Variants in LRMDA observed in about 807,000 individuals in gnomAD.
LRMDA encodes the protein leucine-rich melanocyte differentiation-associated protein.
LRMDA carries 18 observed loss-of-function variants against 29.8 expected under a neutral mutation model. The observed-to-expected ratio is 0.60, with a 90% CI of 0.42 to 0.90. LRMDA has a LOEUF of 0.90. Among genes scored for constraint, LRMDA ranks in the 40% least tolerant of loss-of-function variants. The pLI is 0.00. For missense variants in LRMDA, 273 were observed against 273.9 expected, an observed-to-expected ratio of 1.00 and a Z score of 0.02; for synonymous variants, 125 against 109.4, an observed-to-expected ratio of 1.14 and a Z score of -0.89.
chr10:75,431,815 G>T, intron 1 of LRMDA, 61 bp downstream of exon 1: 1 of 1,282,760 alleles, frequency 7.8e-7, no homozygotes, highest in Non-Finnish European at 9.9e-7. Context: ...GGGACAGCGG[G>T]GCACAGAGGC....
intron 2 of LRMDA, among the ~76,000 whole-genome samples, chr10:75,637,463 G>A (rs1040841504): frequency 6.6e-5 from 10 of 152,128 alleles, no homozygotes; most frequent in Admixed American, 3.9e-4. Flanking sequence ...TAGAGAGAAG[G>A]GGTATGGAGT....
intron 2 of LRMDA, among the ~76,000 whole-genome samples, chr10:75,571,089 C>T (rs918171725): frequency 7.2e-5 from 11 of 152,008 alleles, no homozygotes; most frequent in Non-Finnish European, 1.5e-4. Context: ...TAATTTGACC[C>T]CATGGTTTGG....
intron 5 of LRMDA, among the ~76,000 whole-genome samples, chr10:76,214,129 A>G (rs1388522397): frequency 1.3e-5 from 2 of 152,104 alleles, no homozygotes; most frequent in African/African-American, 2.4e-5. Flanking sequence ...CAGCTTGGCT[A>G]TAAAATACAG....
intron 2 of LRMDA, among the ~76,000 whole-genome samples, chr10:75,816,949 T>C (rs886757756): frequency 2.0e-5 from 3 of 152,258 alleles, no homozygotes; most frequent in Non-Finnish European, 4.4e-5. Flanking sequence ...CCTGAGCTTA[T>C]GGATCTTCAG....
intron 5 of LRMDA, among the ~76,000 whole-genome samples, chr10:76,203,891 G>C (rs112967354): frequency 0.07 from 8,751 of 124,482 alleles, 526 homozygotes; most frequent in African/African-American, 0.19. Flanking sequence ...ATCTCATGTG[G>C]CCATCTACCC....
chr10:76,200,875 G>T (rs111923758), intron 5 of LRMDA, among the ~76,000 whole-genome samples: 3,884 of 150,540 alleles, frequency 0.026, 72 homozygotes, highest in East Asian at 0.073. Context: ...CTGCCACCAC[G>T]CCCAGCTAAT....
intron 2 of LRMDA, among the ~76,000 whole-genome samples, chr10:76,014,503 C>T (rs962245170): frequency 3.3e-5 from 5 of 152,098 alleles, no homozygotes; most frequent in Non-Finnish European, 5.9e-5. Context: ...ATCATATGCC[C>T]ATATACACAC....
At chr10:76,281,458 C>T (rs935808390) in intron 5 of LRMDA, among the ~76,000 whole-genome samples, 1 of 152,074 alleles carries the variant, frequency 6.6e-6, no homozygotes, top group Non-Finnish European at 1.5e-5. Flanking sequence ...ATTGAAAACC[C>T]TAATTCTATA....
At chr10:76,049,645 C>T (rs917944205) in intron 4 of LRMDA, among the ~76,000 whole-genome samples, 3 of 152,160 alleles carry the variant, frequency 2.0e-5, no homozygotes, top group African/African-American at 7.2e-5. Flanking sequence ...TGTCCTTCCT[C>T]GAGTTTGTGC....
intron 2 of LRMDA, among the ~76,000 whole-genome samples, chr10:75,631,758 T>C (rs1373751768): frequency 1.3e-5 from 2 of 152,176 alleles, no homozygotes; most frequent in African/African-American, 4.8e-5. Flanking sequence ...TGACATTGTT[T>C]CCATAGATTT....
At chr10:75,466,607 A>T (rs1844653414) in intron 2 of LRMDA, among the ~76,000 whole-genome samples, 1 of 152,158 alleles carries the variant, frequency 6.6e-6, no homozygotes, top group Admixed American at 6.5e-5. Context: ...AGAGATTGAT[A>T]AAAAGTCTGG....
At chr10:76,038,139 G>C (rs1201191656) in intron 3 of LRMDA, among the ~76,000 whole-genome samples, 1 of 152,128 alleles carries the variant, frequency 6.6e-6, no homozygotes, top group African/African-American at 2.4e-5. Flanking sequence ...AGAATATTAG[G>C]GTCCATGGAC....
intron 6 of LRMDA, among the ~76,000 whole-genome samples, chr10:76,526,882 A>C (rs149832516): frequency 0.011 from 1,665 of 150,002 alleles, 10 homozygotes; most frequent in Non-Finnish European, 0.018. Flanking sequence ...CTAATGCTAG[A>C]TGACGAGTTA....
At chr10:76,043,389 T>G (rs1848372459) in intron 3 of LRMDA, among the ~76,000 whole-genome samples, 1 of 152,116 alleles carries the variant, frequency 6.6e-6, no homozygotes, top group Non-Finnish European at 1.5e-5. Context: ...ATTCCCCCAC[T>G]GAATCATAAT....
chr10:75,988,327 G>A (rs1453611899), intron 2 of LRMDA, among the ~76,000 whole-genome samples: 1 of 151,930 alleles, frequency 6.6e-6, no homozygotes, highest in Non-Finnish European at 1.5e-5. Flanking sequence ...CCTCCCTCCA[G>A]CCTCCACCAC....
intron 2 of LRMDA, among the ~76,000 whole-genome samples, chr10:75,573,727 T>C (rs1374316037): frequency 6.6e-6 from 1 of 152,240 alleles, no homozygotes; most frequent in Non-Finnish European, 1.5e-5. Context: ...CAGTTCTACT[T>C]GATTAGCTGA....
intron 5 of LRMDA, among the ~76,000 whole-genome samples, chr10:76,239,079 C>T (rs763381474): frequency 6.6e-6 from 1 of 152,142 alleles, no homozygotes; most frequent in Non-Finnish European, 1.5e-5. Flanking sequence ...CATGCCTTGC[C>T]TTGGTGACGT....
chr10:75,507,194 C>T (rs547911667), intron 2 of LRMDA, among the ~76,000 whole-genome samples: 2 of 151,904 alleles, frequency 1.3e-5, no homozygotes, highest in South Asian at 4.2e-4. Context: ...TCCTCCACTC[C>T]AGCGTACAAC....
At chr10:76,422,689 G>A (rs1299871944) in intron 6 of LRMDA, among the ~76,000 whole-genome samples, 1 of 152,126 alleles carries the variant, frequency 6.6e-6, no homozygotes, top group Non-Finnish European at 1.5e-5. Context: ...TTTATTAATA[G>A]AGCTGTTTTG....
Sources: gnomAD v4.1 joint callset for allele counts (sites outside exome capture counted in the v4.1 genomes callset) on GRCh38, gnomAD v4.1.1 for gene constraint, MANE v1.5 for transcripts, NCBI Gene and HGNC (gene_info 2026-07-23, HGNC 2026-07-21) for gene names.